PRPF40B: variants seen among roughly 807,000 people sequenced by gnomAD.
PRPF40B encodes pre-mRNA-processing factor 40 homolog B.
Under a neutral mutation model 124.5 loss-of-function variants are expected in PRPF40B, and 56 were observed. The observed-to-expected ratio is 0.45, with a 90% CI of 0.36 to 0.56. The LOEUF (loss-of-function observed/expected upper bound fraction) is 0.56. Among genes scored for constraint, PRPF40B ranks in the 20% least tolerant of loss-of-function variants. The probability of loss-of-function intolerance (pLI) is 0.00; values close to 1 mark genes in which losing one functional copy is unlikely to be tolerated. For synonymous variants in PRPF40B, 443 were observed against 426.4 expected (o/e 1.04, Z -0.48); for missense variants, 1,053 against 1,169.5 (o/e 0.90, Z 1.45).
chr12:49,627,703 GC>G (rs1158645874), intron 1 of PRPF40B, among the ~76,000 whole-genome samples: 1 of 152,142 alleles, frequency 6.6e-6, no homozygotes, highest in Non-Finnish European at 1.5e-5. Flanking sequence ...TAAGCAGGGG[GC>G]TAACAGTCTG....
At position 49,634,597 on chromosome 12, in the gene PRPF40B, T is replaced by C. The variant is rs759829004; in HGVS notation, c.996T>C (p.Arg332=). ...TGAAGATGGTGGTCACCGACCCCCGTTACAGGTAGGCCTGGGCAGAGGGAG... is the reference window on the plus strand; with the variant it reads ...TGAAGATGGTGGTCACCGACCCCCGCTACAGGTAGGCCTGGGCAGAGGGAG... ...QAMKMVVTDP[R]YSALPKLSEK... Residue 332 remains arginine (R), a synonymous_variant, in exon 12 of 26, where the codon CGT becomes CGC. Coordinates refer to ENST00000548825, the MANE Select transcript of PRPF40B (RefSeq NM_001031698.3). 6.2e-7 allele frequency: 1 copy of C among 1,614,132 alleles called. No homozygotes were observed.
In PRPF40B at chr12:49,631,337, CCT is replaced by C. The variant is rs1159014826; in HGVS notation, c.85-59_85-58del. ...AGGTGGTGGATATTTCCTGACAGGT[CCT>C]CTCTACCTCTGACAAGGCGATGTCT... is the stretch of plus-strand genomic sequence containing the variant. On this transcript the variant is annotated intron_variant, in intron 2 of 25. Coordinates refer to ENST00000548825, the MANE Select transcript of PRPF40B (RefSeq NM_001031698.3). This position sits in a 1 kb window ranked among gnomAD's most constrained non-coding sequence, Gnocchi z 4.3. 7 of 1,199,104 alleles carry C rather than the reference CCT, an allele frequency of 5.8e-6. No homozygotes were observed. The South Asian group carries it at 7.1e-5, about 12-fold the overall frequency. The allele number at this position is 1,199,104 out of a possible 1,614,324, so 74.3% of individuals were successfully genotyped here.
intron 1 of PRPF40B, among the ~76,000 whole-genome samples, chr12:49,626,707 G>A (rs1940749110): frequency 6.6e-6 from 1 of 152,120 alleles, no homozygotes; most frequent in African/African-American, 2.4e-5. Flanking sequence ...GTAGGCAATC[G>A]GGAACCGGTA....
chr12:49,630,584 GCC>G lies in PRPF40B; in HGVS notation c.47_48del (p.Pro16LeufsTer106). On this transcript the variant is annotated frameshift_variant, in exon 2 of 26. Coordinates refer to ENST00000548825, the MANE Select transcript of PRPF40B (RefSeq NM_001031698.3). LOFTEE classifies it high-confidence loss of function. ...TGGTCCCCGGCCCCCAGCAGCGCCT[GCC>G]CCCTTCCCACCGGGGCCCCCCATGA... ...DSGPRPPAAP[A>X]PFPPGPPMMP... 1.4e-6 allele frequency: 2 copies of G among 1,428,920 alleles called. No homozygotes were observed. The highest frequency in any genetic ancestry group is 2.0e-6 in the Non-Finnish European group (2 of 1,015,702). 88.5% of individuals were successfully genotyped at this position (1,428,920 alleles called of 1,614,324 possible).
Position 49,643,029 on chromosome 12 carries a change from G to A in PRPF40B, c.2205+13G>A, listed in dbSNP as rs1260598347. ...CCACTCACCCTCAGTGAGTAAGCGTGTAGAAGGGACATGGGGTGAAGCTGG... is the reference window on the plus strand; with the variant it reads ...CCACTCACCCTCAGTGAGTAAGCGTATAGAAGGGACATGGGGTGAAGCTGG... On this transcript the variant is annotated intron_variant, in intron 22 of 25. Coordinates refer to ENST00000548825, the MANE Select transcript of PRPF40B (RefSeq NM_001031698.3). 3 of 1,612,938 alleles carry A rather than the reference G, an allele frequency of 1.9e-6. No homozygotes were observed. Among genetic ancestry groups the A allele is most frequent in the Non-Finnish European group, 1.7e-6 (2 of 1,179,190 alleles).
At chr12:49,638,574 G>C (rs1942169726) in intron 18 of PRPF40B, 3 of 152,190 alleles carry the variant, frequency 2.0e-5, no homozygotes, top group Admixed American at 2.0e-4. Flanking sequence ...GTGGAAAAGT[G>C]AGTGAGTGAT....
chr12:49,642,369 A>G lies in PRPF40B; in HGVS notation c.2019A>G (p.Glu673=), dbSNP rs1430634976. The G allele has an allele frequency of 1.2e-6, 2 of 1,613,662 alleles. No individual in the cohort carries two copies. Among genetic ancestry groups the G allele is most frequent in the South Asian group, 2.2e-5 (2 of 91,070 alleles). Residue 673 remains glutamate, a synonymous_variant, in exon 20 of 26, where the codon GAA becomes GAG. Transcript: ENST00000548825. This position sits in a 1 kb window ranked among gnomAD's most constrained non-coding sequence, Gnocchi z 5.8. ...CTCTGGAGCTAGGCACTGCCTGGGA[A>G]GAGGTCAGGAGCGTAGCCTGGCCCC... ...VPALELGTAW[E]EVRERFVCDS...
At chr12:49,639,815 T>TA (rs1942360255) in intron 18 of PRPF40B, 1 of 152,100 alleles carries the variant, frequency 6.6e-6, no homozygotes, top group Non-Finnish European at 1.5e-5. Context: ...TTGATAAGGA[T>TA]AAAACAAGAA....
Position 49,641,919 on chromosome 12 carries a change from C to T in PRPF40B, c.1779C>T (p.Phe593=), listed in dbSNP as rs768420141. The change falls in exon 19 of 26, where the codon TTC becomes TTT. Residue 593 remains phenylalanine (F), a synonymous_variant. Coordinates refer to ENST00000548825, the MANE Select transcript of PRPF40B (RefSeq NM_001031698.3). Reference sequence around the variant, plus strand: ...TGCTGTACCCACAGGACCGGGGCTTCTGCGTGGAGGTGAACACGGCCTTTG... The same window carrying T: ...TGCTGTACCCACAGGACCGGGGCTTTTGCGTGGAGGTGAACACGGCCTTTG... The part of the protein sequence containing the change: ...IIKDILKDRG[F]CVEVNTAFED... The T allele has an allele frequency of 2.2e-5, 36 of 1,613,322 alleles. No individual in the cohort carries two copies. Among genetic ancestry groups the T allele is most frequent in the Non-Finnish European group, 2.9e-5 (34 of 1,180,054 alleles).
Position 49,631,904 on chromosome 12 carries a change from AGCGGTGCCT to A in PRPF40B, c.275_283del (p.Ala92_Pro94del), listed in dbSNP as rs1175964234. The A allele has an allele frequency of 7.4e-6, 12 of 1,614,042 alleles. No homozygotes were observed. The highest frequency in any genetic ancestry group is 6.7e-5 in the African/African-American group (5 of 74,926). ...CGATGATGCCAGGAATGCTGATGCC[AGCGGTGCCT>A]GTCACCGCAGCGGTAAGCACTAGGG... is the stretch of plus-strand genomic sequence containing the variant. On this transcript the variant is annotated inframe_deletion, in exon 4 of 26. Transcript: ENST00000548825. This position sits in a 1 kb window ranked among gnomAD's most constrained non-coding sequence, Gnocchi z 4.3.
intron 10 of PRPF40B, 105 bp downstream of exon 10, chr12:49,634,197 C>G: frequency 6.3e-6 from 10 of 1,575,052 alleles, no homozygotes; most frequent in Non-Finnish European, 8.6e-6. Flanking sequence ...GTTTGAAGAT[C>G]TGGGTGTGAC....
Position 49,632,996 on chromosome 12 carries a change from GCCCC to G in PRPF40B, c.349-10_349-7del. 8 of 1,147,246 alleles carry G rather than the reference GCCCC, an allele frequency of 7.0e-6. No individual in the cohort carries two copies. Among genetic ancestry groups the G allele is most frequent in the South Asian group, 1.4e-5 (1 of 70,344 alleles). 71.1% of individuals were successfully genotyped at this position (1,147,246 alleles called of 1,614,324 possible). A position where few individuals can be genotyped will look rare whatever the true frequency, so the allele number is the denominator to read the frequency against. ...AAAGGGGCCTTGACCACCATTCTGT[GCCCC>G]CCCCCCCACCCAGAGGGCCCTATGG... On this transcript the variant is annotated splice_polypyrimidine_tract_variant and intron_variant, in intron 6 of 25. Coordinates refer to ENST00000548825, the MANE Select transcript of PRPF40B (RefSeq NM_001031698.3).
At chr12:49,641,716 A>G in intron 18 of PRPF40B, 192 bp from the exon 19 acceptor site, 1 of 586,054 alleles carries the variant, frequency 1.7e-6, no homozygotes, top group East Asian at 2.8e-5. Context: ...CATCCAAACC[A>G]AGGGTAGGCA....
intron 6 of PRPF40B, 40 bp from the exon 7 acceptor site, chr12:49,632,974 G>C: frequency 6.2e-7 from 1 of 1,609,902 alleles, no homozygotes; most frequent in Non-Finnish European, 8.5e-7. Context: ...CTTTGGAAAA[G>C]GGGCCTTGAC....
chr12:49,636,598 C>T lies in PRPF40B; in HGVS notation c.1427-118C>T, dbSNP rs147490554. 3.3e-3 allele frequency: 4,799 copies of T among 1,439,698 alleles called. 14 individuals carry two copies. Among genetic ancestry groups the T allele is most frequent in the Middle Eastern group, 9.7e-3 (48 of 4,944 alleles). The allele number at this position is 1,439,698 out of a possible 1,614,324, so 89.2% of individuals were successfully genotyped here. On this transcript the variant is annotated intron_variant, in intron 15 of 25. Transcript: ENST00000548825. ...CAGAGCCCCCTCCAGGCCCTTCCCC[C>T]ACCACCCTGGGTATCCCTAGCACCT...
chr12:49,643,943 G>C lies in PRPF40B; in HGVS notation c.2525G>C (p.Arg842Thr). Residue 842 changes from arginine (R) to threonine (T), a missense_variant, in exon 25 of 26, where the codon AGG becomes ACG. Arg to Thr is a moderately conservative substitution (Grantham distance 71, BLOSUM62 -1). Around this residue, in one of 2 missense-constraint regions of PRPF40B, gnomAD observed 895 missense variants for 1,052.2 expected, o/e 0.85. Coordinates refer to ENST00000548825, the MANE Select transcript of PRPF40B (RefSeq NM_001031698.3). ...AAAGAACAAGAACAGGACAAGGACAGGGAGCTCCAACAGGCAGAGCTCCCT... is the reference window on the plus strand; with the variant it reads ...AAAGAACAAGAACAGGACAAGGACACGGAGCTCCAACAGGCAGAGCTCCCT... ...DEKEQEQDKD[R>T]ELQQAELPNR... 6.2e-7 allele frequency: 1 copy of C among 1,614,214 alleles called. No homozygotes were observed. The highest frequency in any genetic ancestry group is 8.5e-7 in the Non-Finnish European group (1 of 1,180,030).
chr12:49,643,427 G>A (rs759800090), intron 23 of PRPF40B, 30 bp downstream of exon 23: 2 of 1,531,110 alleles, frequency 1.3e-6, no homozygotes, highest in Admixed American at 2.1e-5. Context: ...GTAGAAGCTG[G>A]AGAACTGTTG....
Position 49,634,319 on chromosome 12 carries a change from C to T in PRPF40B, c.813-13C>T, listed in dbSNP as rs2138489315. The T allele has an allele frequency of 6.2e-7, 1 of 1,614,142 alleles. No homozygotes were observed. Among genetic ancestry groups the T allele is most frequent in the Non-Finnish European group, 8.5e-7 (1 of 1,180,030 alleles). On this transcript the variant is annotated splice_polypyrimidine_tract_variant and intron_variant, in intron 10 of 25. Coordinates refer to ENST00000548825, the MANE Select transcript of PRPF40B (RefSeq NM_001031698.3). ...CTGGGGGACCCTGTGGCTGAGTCCC[C>T]TGTGCCCTCCAGTTCTGGACAGCAT... is the stretch of plus-strand genomic sequence containing the variant.
Position 49,642,721 on chromosome 12 carries a change from A to AAT in PRPF40B, c.2118+46_2118+47insAT. ...GGATCTGCCTCAGGCCCTTGAACTCATTAGACCAGTTCAACAGAGACCTCA... is the reference window on the plus strand; with the variant it reads ...GGATCTGCCTCAGGCCCTTGAACTCAATTTAGACCAGTTCAACAGAGACCTCA... On this transcript the variant is annotated intron_variant, in intron 21 of 25. Coordinates refer to ENST00000548825, the MANE Select transcript of PRPF40B (RefSeq NM_001031698.3). This position sits in a 1 kb window ranked among gnomAD's most constrained non-coding sequence, Gnocchi z 5.8. The AAT allele has an allele frequency of 6.3e-7, 1 of 1,578,250 alleles. No homozygotes were observed. The highest frequency in any genetic ancestry group is 8.6e-7 in the Non-Finnish European group (1 of 1,156,722).
Sources: gnomAD v4.1 joint callset for allele counts (sites outside exome capture counted in the v4.1 genomes callset) on GRCh38, gnomAD v4.1.1 for gene constraint, gnomAD v4.1.1 regional missense constraint, Gnocchi (gnomAD v3.1) non-coding constraint, MANE v1.5 for transcripts, NCBI Gene and HGNC (gene_info 2026-07-23, HGNC 2026-07-21) for gene names.